The following TP63 variants were observed in gnomAD, a reference collection of about 807,000 sequenced individuals.
The protein encoded by TP63 is tumor protein 63.
A neutral mutation model predicts 82.8 loss-of-function variants in TP63; 17 were observed. The observed-to-expected ratio is 0.21, with a 90% CI of 0.14 to 0.31. The LOEUF is 0.31. Among genes scored for constraint, TP63 ranks in the 10% least tolerant of loss-of-function variants. The pLI is 1.00. For missense variants in TP63, 648 were observed against 895.3 expected, an observed-to-expected ratio of 0.72 and a Z score of 3.52; for synonymous variants, 330 against 321.7, an observed-to-expected ratio of 1.03 and a Z score of -0.28.
chr3:189,732,346 A>G (rs1276132920), intron 1 of TP63, among the ~76,000 whole-genome samples: 1 of 152,222 alleles, frequency 6.6e-6, no homozygotes, highest in African/African-American at 2.4e-5. Context: ...CCAGTCTAAG[A>G]CAAAAATGAT....
Position 189,716,377 on chromosome 3 carries a change from T to TG in TP63, c.63-21363_63-21362insG, listed in dbSNP as rs546171479. ...CCATAAAATTTGTTTAGATTCTTAG[T>TG]CACTGGACTTTGTGGAAAGAATGTC... On this transcript the variant is annotated intron_variant, in intron 1 of 13. Transcript: ENST00000264731. Among the ~76,000 whole-genome samples the TG allele has an allele frequency of 6.2e-4, 95 of 152,326 alleles. 1 individual carries two copies. The East Asian group carries it at 0.012, about 19-fold the overall frequency.
intron 3 of TP63, chr3:189,789,947 T>C: frequency 8.8e-7 from 1 of 1,133,618 alleles, no homozygotes; most frequent in South Asian, 2.4e-5. Flanking sequence ...ATGTAATGTT[T>C]TGCAAATTGT....
At chr3:189,734,579 T>G (rs965038429) in intron 1 of TP63, among the ~76,000 whole-genome samples, 4 of 152,178 alleles carry the variant, frequency 2.6e-5, no homozygotes, top group Admixed American at 1.3e-4. Flanking sequence ...TCTAAACTGA[T>G]TCACATTTCT....
At chr3:189,845,987 G>A (rs1055487212) in intron 4 of TP63, among the ~76,000 whole-genome samples, 3 of 151,766 alleles carry the variant, frequency 2.0e-5, no homozygotes, top group Non-Finnish European at 4.4e-5. Flanking sequence ...GAAAAATTAC[G>A]CAGGTGTGTG....
chr3:189,814,458 T>C (rs1727942977), intron 4 of TP63, among the ~76,000 whole-genome samples: 2 of 152,222 alleles, frequency 1.3e-5, no homozygotes, highest in Non-Finnish European at 2.9e-5. Flanking sequence ...CATGTGTTCG[T>C]GTTTATCATA....
intron 9 of TP63, among the ~76,000 whole-genome samples, chr3:189,871,377 A>G (rs1401571327): frequency 6.6e-6 from 1 of 152,194 alleles, no homozygotes; most frequent in Non-Finnish European, 1.5e-5. Flanking sequence ...AATAAATGTA[A>G]TGTAATAAAA....
intron 1 of TP63, among the ~76,000 whole-genome samples, chr3:189,638,030 A>T (rs573780064): frequency 6.6e-6 from 1 of 152,256 alleles, no homozygotes; most frequent in East Asian, 1.9e-4. Flanking sequence ...ATTTTCTCCT[A>T]CAGTCTCCAA....
intron 4 of TP63, among the ~76,000 whole-genome samples, chr3:189,827,827 A>C (rs1711638356): frequency 1.3e-5 from 2 of 152,188 alleles, no homozygotes; most frequent in Non-Finnish European, 2.9e-5. Context: ...AAAACATGGA[A>C]GGGCTGTGAG....
At chr3:189,814,898 A>G (rs541986808) in intron 4 of TP63, among the ~76,000 whole-genome samples, 1 of 152,330 alleles carries the variant, frequency 6.6e-6, no homozygotes, top group East Asian at 1.9e-4. Flanking sequence ...TGGAGTGTCT[A>G]TTTAACATTA....
At chr3:189,854,710 C>T (rs1176134849) in intron 4 of TP63, among the ~76,000 whole-genome samples, 1 of 152,174 alleles carries the variant, frequency 6.6e-6, no homozygotes, top group African/African-American at 2.4e-5. Context: ...GTGGCTATAT[C>T]TTGCTATGTT....
intron 1 of TP63, among the ~76,000 whole-genome samples, chr3:189,640,821 A>C (rs868189713): frequency 6.6e-6 from 1 of 152,156 alleles, no homozygotes; most frequent in African/African-American, 2.4e-5. Context: ...GAAAAAGCTA[A>C]AAATATTATA....
chr3:189,639,200 C>T (rs1327134129), intron 1 of TP63, among the ~76,000 whole-genome samples: 1 of 152,064 alleles, frequency 6.6e-6, no homozygotes, highest in Non-Finnish European at 1.5e-5. Context: ...ACTGTAATTA[C>T]GATCAAAGTG....
At chr3:189,682,552 AAATATATATATATAT>A (rs1201991218) in intron 1 of TP63, among the ~76,000 whole-genome samples, 255 of 24,042 alleles carry the variant, frequency 0.011, 4 homozygotes, top group African/African-American at 0.056. Flanking sequence ...AAAAAAAAAA[AAATATATATATATAT>A]ATATATATAT....
At chr3:189,805,630 G>A (rs1726796065) in intron 3 of TP63, among the ~76,000 whole-genome samples, 1 of 152,226 alleles carries the variant, frequency 6.6e-6, no homozygotes, top group South Asian at 2.1e-4. Flanking sequence ...GGCCAGCCTT[G>A]CCGAGGCCCG....
intron 3 of TP63, among the ~76,000 whole-genome samples, chr3:189,777,767 T>TC: frequency 6.6e-6 from 1 of 150,668 alleles, no homozygotes; most frequent in Non-Finnish European, 1.5e-5. Flanking sequence ...TTTTTTTTTT[T>TC]CTTTTAAGTG....
intron 1 of TP63, among the ~76,000 whole-genome samples, chr3:189,709,258 AC>A (rs1169602840): frequency 6.6e-6 from 1 of 152,190 alleles, no homozygotes; most frequent in African/African-American, 2.4e-5. Context: ...TGCTTTTAGA[AC>A]AAATTATTAT....
chr3:189,768,112 A>G (rs1723081173), intron 3 of TP63, among the ~76,000 whole-genome samples: 1 of 152,156 alleles, frequency 6.6e-6, no homozygotes, highest in African/African-American at 2.4e-5. Context: ...TGTATGAATA[A>G]CTAACCATCT....
intron 10 of TP63, among the ~76,000 whole-genome samples, chr3:189,877,747 A>G (rs1054046977): frequency 6.6e-6 from 1 of 152,230 alleles, no homozygotes; most frequent in Non-Finnish European, 1.5e-5. Context: ...ATTTATAGCC[A>G]GTTTATAATA....
At chr3:189,714,959 T>C (rs1249231260) in intron 1 of TP63, among the ~76,000 whole-genome samples, 2 of 152,220 alleles carry the variant, frequency 1.3e-5, no homozygotes, top group Admixed American at 1.3e-4. Context: ...ATTTTCCTCT[T>C]GCACGTAGTT....
Sources: gnomAD v4.1 joint callset for allele counts (sites outside exome capture counted in the v4.1 genomes callset) on GRCh38, gnomAD v4.1.1 for gene constraint, MANE v1.5 for transcripts, NCBI Gene and HGNC (gene_info 2026-07-23, HGNC 2026-07-21) for gene names.